TMEM132D: variants seen among roughly 807,000 people sequenced by gnomAD.
TMEM132D encodes the protein mature OL transmembrane protein.
A neutral mutation model predicts 62.3 loss-of-function variants in TMEM132D; 21 were observed. That is an observed-to-expected ratio of 0.34 (90% CI 0.24 to 0.49). The LOEUF (loss-of-function observed/expected upper bound fraction) is 0.49. Ranked by LOEUF, TMEM132D falls within the 20% of genes least tolerant of loss-of-function variation. TMEM132D has a pLI of 0.99. For missense variants in TMEM132D, 1,346 were observed against 1,402.8 expected (o/e 0.96, Z 0.65); for synonymous variants, 621 against 575.6 (o/e 1.08, Z -1.13).
At chr12:129,835,560 G>A (rs917766457) in intron 1 of TMEM132D, among the ~76,000 whole-genome samples, 1 of 152,060 alleles carries the variant, frequency 6.6e-6, no homozygotes, top group Admixed American at 6.6e-5. Flanking sequence ...CAAAGTGCTG[G>A]GATTACAGGC....
At chr12:129,542,910 C>T (rs1178905736) in intron 2 of TMEM132D, among the ~76,000 whole-genome samples, 2 of 151,942 alleles carry the variant, frequency 1.3e-5, no homozygotes, top group African/African-American at 2.4e-5. Context: ...AGAACAGGCA[C>T]ATGCTGTATA....
intron 2 of TMEM132D, among the ~76,000 whole-genome samples, chr12:129,597,896 G>GGTGGAT (rs1179650107): frequency 1.3e-5 from 2 of 152,006 alleles, no homozygotes; most frequent in African/African-American, 2.4e-5. Context: ...ATTGGCGGGG[G>GGTGGAT]GTGGATGGGG....
chr12:129,232,558 C>T (rs1402662277), intron 4 of TMEM132D, among the ~76,000 whole-genome samples: 1 of 152,040 alleles, frequency 6.6e-6, no homozygotes, highest in African/African-American at 2.4e-5. Context: ...CAGAGCATGG[C>T]CTCATAGCTC....
intron 4 of TMEM132D, among the ~76,000 whole-genome samples, chr12:129,233,616 T>G (rs758868911): frequency 4.5e-4 from 69 of 152,092 alleles, no homozygotes; most frequent in Non-Finnish European, 7.9e-4. Context: ...TTTTTTAACT[T>G]TTAAATTTTA....
chr12:129,353,419 C>T lies in TMEM132D; in HGVS notation c.1116-15602G>A, dbSNP rs142696761. Among the ~76,000 whole-genome samples the T allele has an allele frequency of 3.3e-3, 508 of 152,104 alleles. 2 individuals are homozygous for T. The highest frequency in any genetic ancestry group is 0.012 in the African/African-American group (480 of 41,512). On this transcript the variant is annotated intron_variant, in intron 3 of 8. Transcript: ENST00000422113. ...AAGGGGACATAGGGTCTGAAGGAACCCAAACTGTTCAAACATCACTTCCGA... is the reference window on the plus strand; with the variant it reads ...AAGGGGACATAGGGTCTGAAGGAACTCAAACTGTTCAAACATCACTTCCGA...
rs1881959680 is a variant in TMEM132D, at chr12:129,310,995, GA to G, written c.1299+26638del. ...AGGCGGATCACGAGGTCAGGAGATC[GA>G]GACCATCCTGGCTAACACGGTGAAA... On this transcript the variant is annotated intron_variant, in intron 4 of 8. Coordinates refer to ENST00000422113, the MANE Select transcript of TMEM132D (RefSeq NM_133448.3). 2.1e-5 allele frequency among the ~76,000 whole-genome samples: 2 copies of G among 96,052 alleles called. 1 individual carries two copies. The highest frequency in any genetic ancestry group is 1.1e-4 in the African/African-American group (2 of 18,818). 63.0% of individuals were successfully genotyped at this position (96,052 alleles called of 152,430 possible).
Position 129,232,163 on chromosome 12 carries a change from C to G in TMEM132D, c.1300-22500G>C, listed in dbSNP as rs543351291. Among the ~76,000 whole-genome samples the G allele has an allele frequency of 2.0e-5, 3 of 152,204 alleles. No homozygotes were observed. The East Asian group carries it at 5.8e-4, about 29-fold the overall frequency. On this transcript the variant is annotated intron_variant, in intron 4 of 8. Coordinates refer to ENST00000422113, the MANE Select transcript of TMEM132D (RefSeq NM_133448.3). ...TCTTGGGAGGCTAAAAATCTTCCCA[C>G]GATATTCTAATAGGCAGCAAAGTGT... is the stretch of plus-strand genomic sequence containing the variant.
chr12:129,418,035 A>G (rs1256048457), intron 3 of TMEM132D, among the ~76,000 whole-genome samples: 3 of 152,238 alleles, frequency 2.0e-5, no homozygotes, highest in African/African-American at 7.2e-5. Flanking sequence ...GCGATCATTA[A>G]AAGTCAAGAA....
chr12:129,152,272 G>T (rs1877096254), intron 5 of TMEM132D, among the ~76,000 whole-genome samples: 1 of 152,190 alleles, frequency 6.6e-6, no homozygotes, highest in Non-Finnish European at 1.5e-5. Flanking sequence ...CTGGGTAATG[G>T]GGGTGTTGTC....
chr12:129,344,967 G>A (rs755105433), intron 3 of TMEM132D, among the ~76,000 whole-genome samples: 26 of 152,044 alleles, frequency 1.7e-4, no homozygotes, highest in Non-Finnish European at 2.8e-4. Context: ...CCGACTAGGT[G>A]TGATTGAGAA....
In TMEM132D at chr12:129,371,590, C is replaced by G. The variant is rs1224572586; in HGVS notation, c.1116-33773G>C. Reference sequence around the variant, plus strand: ...GGTGACAATGATGTGATGATAGTAACAATGATCATGGCAGATTGTGGTGAT... The same window carrying G: ...GGTGACAATGATGTGATGATAGTAAGAATGATCATGGCAGATTGTGGTGAT... On this transcript the variant is annotated intron_variant, in intron 3 of 8. Coordinates refer to ENST00000422113, the MANE Select transcript of TMEM132D (RefSeq NM_133448.3). This position sits in a 1 kb window ranked among gnomAD's most constrained non-coding sequence, Gnocchi z 4.3. Among the ~76,000 whole-genome samples the G allele has an allele frequency of 6.7e-6, 1 of 149,876 alleles. No individual in the cohort carries two copies. The highest frequency in any genetic ancestry group is 1.5e-5 in the Non-Finnish European group (1 of 67,596).
At chr12:129,563,991 C>T (rs779023883) in intron 2 of TMEM132D, among the ~76,000 whole-genome samples, 4 of 152,160 alleles carry the variant, frequency 2.6e-5, no homozygotes, top group Non-Finnish European at 4.4e-5. Context: ...GAAGCAGCTT[C>T]TATTTCTGAA....
chr12:129,469,427 AG>A (rs199808344), intron 3 of TMEM132D, among the ~76,000 whole-genome samples: 7 of 152,142 alleles, frequency 4.6e-5, no homozygotes, highest in African/African-American at 1.7e-4. Context: ...GAAATTCTGG[AG>A]GGGGGGCCAG....
At chr12:129,221,804 A>G (rs542739963) in intron 4 of TMEM132D, among the ~76,000 whole-genome samples, 1 of 152,136 alleles carries the variant, frequency 6.6e-6, no homozygotes, top group Admixed American at 6.5e-5. Flanking sequence ...CCCTACTCCT[A>G]CCCCTGGCCT....
At chr12:129,316,129 T>C (rs1397204644) in intron 4 of TMEM132D, among the ~76,000 whole-genome samples, 1 of 152,156 alleles carries the variant, frequency 6.6e-6, no homozygotes, top group Non-Finnish European at 1.5e-5. Flanking sequence ...TTTGTTGTTG[T>C]TCTTTCAATT....
At chr12:129,707,490 G>A (rs1164615991) in intron 1 of TMEM132D, among the ~76,000 whole-genome samples, 1 of 152,038 alleles carries the variant, frequency 6.6e-6, no homozygotes, top group Non-Finnish European at 1.5e-5. Flanking sequence ...GTAGCATAGA[G>A]GGGCTGTCTG....
chr12:129,873,945 A>T (rs1293918341), intron 1 of TMEM132D, among the ~76,000 whole-genome samples: 1 of 152,160 alleles, frequency 6.6e-6, no homozygotes, highest in Non-Finnish European at 1.5e-5. Flanking sequence ...ATTTGCTCTA[A>T]GTGACTTGTT....
intron 1 of TMEM132D, among the ~76,000 whole-genome samples, chr12:129,874,823 C>A (rs1347768400): frequency 6.6e-6 from 1 of 151,376 alleles, no homozygotes; most frequent in African/African-American, 2.4e-5. Flanking sequence ...GCCTCAGCCT[C>A]CCGAATAGCT....
chr12:129,847,608 C>G (rs1282912943), intron 1 of TMEM132D, among the ~76,000 whole-genome samples: 2 of 152,104 alleles, frequency 1.3e-5, no homozygotes, highest in Non-Finnish European at 2.9e-5. Flanking sequence ...CTGCATTTCT[C>G]TTCTGTAGTG....
Sources: allele counts gnomAD v4.1 joint callset (sites outside exome capture counted in the v4.1 genomes callset), GRCh38; gene constraint gnomAD v4.1.1; non-coding constraint Gnocchi (gnomAD v3.1); transcripts MANE v1.5; gene names NCBI Gene and HGNC (gene_info 2026-07-23, HGNC 2026-07-21).